The following ADGB variants were observed in gnomAD, a reference collection of about 807,000 sequenced individuals.
ADGB encodes the protein androglobin, also known as calpain-7-like protein.
Under a neutral mutation model 210.5 loss-of-function variants are expected in ADGB, and 172 were observed. The ratio of observed to expected loss-of-function variants is 0.82; its 90% CI spans 0.72 to 0.93. The LOEUF (loss-of-function observed/expected upper bound fraction) is 0.93. Ranked by LOEUF, ADGB falls within the 40% of genes least tolerant of loss-of-function variation. The probability of loss-of-function intolerance (pLI) is 0.00; values close to 1 mark genes in which losing one functional copy is unlikely to be tolerated. For synonymous variants in ADGB, 658 were observed against 662.7 expected, an observed-to-expected ratio of 0.99 and a Z score of 0.11; for missense variants, 2,025 against 1,964.8, an observed-to-expected ratio of 1.03 and a Z score of -0.58.
intron 13 of ADGB, among the ~76,000 whole-genome samples, chr6:146,704,151 A>T (rs1393440642): frequency 6.6e-6 from 1 of 151,702 alleles, no homozygotes; most frequent in African/African-American, 2.4e-5. Context: ...TCATTTTTCA[A>T]TTGGGTTGTT....
intron 35 of ADGB, among the ~76,000 whole-genome samples, chr6:146,809,407 G>A (rs180976930): frequency 4.8e-4 from 73 of 152,160 alleles, no homozygotes; most frequent in African/African-American, 1.5e-3. Context: ...GGTTTCACCA[G>A]GTCGACCAGG....
chr6:146,614,064 G>T (rs1780749965), intron 1 of ADGB, among the ~76,000 whole-genome samples: 1 of 151,954 alleles, frequency 6.6e-6, no homozygotes. Flanking sequence ...GTATAATAGA[G>T]TGTCGATTTA....
At chr6:146,661,220 C>CTTTTTTTT in intron 5 of ADGB, among the ~76,000 whole-genome samples, 170 of 115,984 alleles carry the variant, frequency 1.5e-3, no homozygotes, top group East Asian at 2.0e-3. Flanking sequence ...TTCTTTTTTT[C>CTTTTTTTT]TTTTTTTTTT....
chr6:146,708,780 A>G (rs1776614827), intron 13 of ADGB, among the ~76,000 whole-genome samples: 1 of 152,072 alleles, frequency 6.6e-6, no homozygotes, highest in East Asian at 1.9e-4. Context: ...TTCTGCTATT[A>G]TTTCTTTAAG....
At chr6:146,742,426 T>G (rs1489449109) in intron 25 of ADGB, among the ~76,000 whole-genome samples, 1 of 151,970 alleles carries the variant, frequency 6.6e-6, no homozygotes, top group Non-Finnish European at 1.5e-5. Context: ...CTTAAATTAT[T>G]TTTATTTTGC....
chr6:146,803,336 G>A, intron 35 of ADGB: 2 of 1,608,534 alleles, frequency 1.2e-6, no homozygotes, highest in Non-Finnish European at 1.7e-6. Context: ...AATCACTGGA[G>A]TTAACCAAAT....
intron 35 of ADGB, among the ~76,000 whole-genome samples, chr6:146,805,809 T>A (rs1778204212): frequency 6.6e-6 from 1 of 152,230 alleles, no homozygotes; most frequent in Non-Finnish European, 1.5e-5. Flanking sequence ...TCAAAATTTG[T>A]GTAACCGTGC....
chr6:146,696,159 T>C (rs1038953380), intron 12 of ADGB, among the ~76,000 whole-genome samples: 6 of 151,866 alleles, frequency 4.0e-5, no homozygotes, highest in Non-Finnish European at 8.8e-5. Flanking sequence ...CACTGCAACC[T>C]CTGCCTTCCA....
intron 12 of ADGB, among the ~76,000 whole-genome samples, chr6:146,694,902 C>T (rs924783720): frequency 4.6e-5 from 7 of 152,008 alleles, no homozygotes; most frequent in Non-Finnish European, 2.9e-5. Flanking sequence ...ACTGATACTG[C>T]AATATAATAG....
chr6:146,672,278 C>T lies in ADGB; in HGVS notation c.898C>T (p.Leu300=), dbSNP rs2114902975. ...GAAAGAAATATTGCCTGAGTTTAAG[C>T]TGTCAGATGAGGCCAGCTCTGAAAG... The part of the protein sequence containing the change: ...LLKEILPEFK[L]SDEASSESKI... The change falls in exon 8 of 36, where the codon CTG becomes TTG. Residue 300 remains leucine (L), a synonymous_variant. Transcript: ENST00000397944. 6.5e-7 allele frequency: 1 copy of T among 1,550,272 alleles called. No individual in the cohort carries two copies. The highest frequency in any genetic ancestry group is 2.4e-5 in the East Asian group (1 of 40,878).
chr6:146,724,125 C>G, intron 17 of ADGB, 61 bp from the exon 18 acceptor site: 2 of 1,377,042 alleles, frequency 1.5e-6, no homozygotes, highest in Non-Finnish European at 2.0e-6. Context: ...AAAGACAGTA[C>G]TAGTGAATGC....
chr6:146,789,028 G>A (rs987787469), intron 33 of ADGB, among the ~76,000 whole-genome samples: 9 of 152,134 alleles, frequency 5.9e-5, no homozygotes, highest in Non-Finnish European at 1.3e-4. Flanking sequence ...TTGAAAAAGA[G>A]CAATTTTCAG....
chr6:146,636,373 G>T (rs1775420258), intron 2 of ADGB, among the ~76,000 whole-genome samples: 1 of 151,934 alleles, frequency 6.6e-6, no homozygotes, highest in South Asian at 2.1e-4. Flanking sequence ...ATTCATATTG[G>T]TCAATTTGTT....
intron 26 of ADGB, among the ~76,000 whole-genome samples, chr6:146,750,497 C>A (rs1432377481): frequency 1.3e-5 from 2 of 152,028 alleles, no homozygotes; most frequent in Admixed American, 1.3e-4. Flanking sequence ...GTTTGAGGTG[C>A]AGTGAGTCAT....
At chr6:146,774,411 G>C (rs1777694229) in intron 29 of ADGB, among the ~76,000 whole-genome samples, 1 of 152,108 alleles carries the variant, frequency 6.6e-6, no homozygotes, top group African/African-American at 2.4e-5. Context: ...TTTCTTTCCT[G>C]ATATCACATT....
chr6:146,749,994 T>G (rs1417073242), intron 26 of ADGB, among the ~76,000 whole-genome samples: 1 of 152,032 alleles, frequency 6.6e-6, no homozygotes, highest in Non-Finnish European at 1.5e-5. Context: ...ACATGAGATT[T>G]GGGTGGGGAC....
intron 1 of ADGB, among the ~76,000 whole-genome samples, chr6:146,605,916 T>G (rs533190864): frequency 2.0e-5 from 3 of 152,316 alleles, no homozygotes; most frequent in Non-Finnish European, 4.4e-5. Flanking sequence ...GTAGAATGAC[T>G]TATATTCCTT....
chr6:146,700,125 C>T (rs1776469760), intron 12 of ADGB, among the ~76,000 whole-genome samples: 1 of 152,200 alleles, frequency 6.6e-6, no homozygotes, highest in Admixed American at 6.5e-5. Context: ...CGCAGATCAA[C>T]ATAAGAGCAA....
intron 9 of ADGB, among the ~76,000 whole-genome samples, chr6:146,684,299 C>T (rs1365286854): frequency 6.6e-6 from 1 of 152,090 alleles, no homozygotes; most frequent in African/African-American, 2.4e-5. Context: ...AAAATTTTAT[C>T]CATTTTAATA....
Sources: gnomAD v4.1 joint callset for allele counts (sites outside exome capture counted in the v4.1 genomes callset) on GRCh38, gnomAD v4.1.1 for gene constraint, MANE v1.5 for transcripts, NCBI Gene and HGNC (gene_info 2026-07-23, HGNC 2026-07-21) for gene names.